EMID1: variants seen among roughly 807,000 people sequenced by gnomAD.
EMID1 encodes the protein EMI domain-containing protein 1.
Under a neutral mutation model 60.6 loss-of-function variants are expected in EMID1, and 40 were observed. That is an observed-to-expected ratio of 0.66 (90% CI 0.51 to 0.86). The LOEUF (loss-of-function observed/expected upper bound fraction) is 0.86, where lower values mean the gene tolerates loss of function less well. Among genes scored for constraint, EMID1 ranks in the 40% least tolerant of loss-of-function variants. The pLI, the probability that EMID1 is intolerant of heterozygous loss-of-function variation, is 0.00. For synonymous variants in EMID1, 242 were observed against 231.0 expected (o/e 1.05, Z -0.43); for missense variants, 585 against 597.1 (o/e 0.98, Z 0.21).
At chr22:29,225,968 G>A (rs2040492996) in intron 4 of EMID1, among the ~76,000 whole-genome samples, 1 of 152,156 alleles carries the variant, frequency 6.6e-6, no homozygotes, top group South Asian at 2.1e-4. Context: ...GGCCAGCCCA[G>A]TCCAGACTGC....
At chr22:29,240,458 C>T (rs935147938) in intron 12 of EMID1, among the ~76,000 whole-genome samples, 1 of 151,768 alleles carries the variant, frequency 6.6e-6, no homozygotes, top group South Asian at 2.1e-4. Flanking sequence ...GAACACCAAA[C>T]TCTGTGCTAA....
chr22:29,245,065 C>G (rs1602029807), intron 13 of EMID1, among the ~76,000 whole-genome samples: 1 of 147,700 alleles, frequency 6.8e-6, no homozygotes, highest in Non-Finnish European at 1.5e-5. Flanking sequence ...GCCGTGGGAG[C>G]CCCCTACCCT....
intron 13 of EMID1, among the ~76,000 whole-genome samples, chr22:29,244,463 T>G (rs1170927395): frequency 6.6e-6 from 1 of 151,710 alleles, no homozygotes; most frequent in Non-Finnish European, 1.5e-5. Context: ...AAATTAGCCT[T>G]AAAGGTTTGG....
At position 29,231,129 on chromosome 22, in the gene EMID1, G is replaced by C. The variant is rs1395071660; in HGVS notation, c.575G>C (p.Gly192Ala). The C allele has an allele frequency of 1.2e-5, 19 of 1,605,612 alleles. No individual in the cohort carries two copies. The highest frequency in any genetic ancestry group is 1.6e-5 in the Non-Finnish European group (19 of 1,176,440). ...CCTGCCCAGGGCAGCCCCGGAGATG[G>C]AGGCCTCCAGGGTGAGTGTCAGACT... The part of the protein sequence containing the change: ...PPPAQGSPGD[G>A]GLQDQVGAWG... Residue 192 changes from glycine to alanine, a missense_variant, in exon 6 of 15, where the codon GGA becomes GCA. Gly to Ala is a moderately conservative substitution (Grantham distance 60). Transcript: ENST00000334018.
intron 4 of EMID1, among the ~76,000 whole-genome samples, chr22:29,225,547 C>T (rs1435565297): frequency 7.9e-5 from 12 of 152,228 alleles, no homozygotes; most frequent in South Asian, 4.1e-4. Context: ...CTGTGCCAGG[C>T]GCTTCCCATC....
chr22:29,242,728 G>A lies in EMID1; in HGVS notation c.1075-717G>A, dbSNP rs1568998688. Reference sequence around the variant, plus strand: ...AGACTTAGTTGTAGGTTTTATCAGAGAGAATCTCTGGTTTTGCTCTTAGTC... The same window carrying A: ...AGACTTAGTTGTAGGTTTTATCAGAAAGAATCTCTGGTTTTGCTCTTAGTC... On this transcript the variant is annotated intron_variant, in intron 12 of 14. Transcript: ENST00000334018. 2.6e-5 allele frequency among the ~76,000 whole-genome samples: 4 copies of A among 152,310 alleles called. No homozygotes were observed. In the South Asian group the frequency reaches 8.3e-4, roughly 32 times the overall value.
intron 1 of EMID1, among the ~76,000 whole-genome samples, chr22:29,210,768 C>G (rs1180924169): frequency 1.3e-5 from 2 of 152,208 alleles, no homozygotes; most frequent in Non-Finnish European, 2.9e-5. Flanking sequence ...AAGGACAGCT[C>G]TGGCCATTGT....
intron 13 of EMID1, among the ~76,000 whole-genome samples, chr22:29,248,823 A>G (rs1307884352): frequency 6.6e-6 from 1 of 151,986 alleles, no homozygotes; most frequent in African/African-American, 2.4e-5. Context: ...CCTGGGCGAC[A>G]GAGCAAGACT....
chr22:29,238,204 G>A (rs2041024522), intron 12 of EMID1, among the ~76,000 whole-genome samples: 1 of 138,826 alleles, frequency 7.2e-6, no homozygotes, highest in Non-Finnish European at 1.5e-5. Flanking sequence ...TTTTCCCTCT[G>A]TTTTCTTTTC....
chr22:29,235,371 G>A (rs2040908969), intron 12 of EMID1, among the ~76,000 whole-genome samples: 1 of 146,968 alleles, frequency 6.8e-6, no homozygotes, highest in African/African-American at 2.5e-5. Context: ...AAAAAAAAGT[G>A]CATCATATGA....
At chr22:29,206,796 AG>A (rs538194312) in intron 1 of EMID1, among the ~76,000 whole-genome samples, 243 of 152,334 alleles carry the variant, frequency 1.6e-3, no homozygotes, top group Non-Finnish European at 5.1e-4. Flanking sequence ...CAATCCTTGA[AG>A]GACCGAATGA....
chr22:29,207,046 C>T (rs566980386), intron 1 of EMID1, among the ~76,000 whole-genome samples: 1 of 152,362 alleles, frequency 6.6e-6, no homozygotes, highest in African/African-American at 2.4e-5. Context: ...AGCCAGGCCT[C>T]TCCAGGCCTT....
chr22:29,226,249 C>T (rs1475952685), intron 4 of EMID1, among the ~76,000 whole-genome samples: 2 of 152,202 alleles, frequency 1.3e-5, no homozygotes, highest in African/African-American at 2.4e-5. Flanking sequence ...GGGTCAGGTC[C>T]CTGGTCCTGC....
chr22:29,243,568 C>T (rs1319581972), intron 13 of EMID1, 79 bp downstream of exon 13: 1 of 1,544,870 alleles, frequency 6.5e-7, no homozygotes, highest in Non-Finnish European at 8.9e-7. Context: ...CCCCAGGAGG[C>T]CCTGGGAGTG....
intron 14 of EMID1, chr22:29,255,218 C>A: frequency 8.2e-7 from 1 of 1,216,292 alleles, no homozygotes; most frequent in Non-Finnish European, 1.1e-6. Context: ...GCTCCCCAGC[C>A]CAGCCCTCGG....
intron 12 of EMID1, among the ~76,000 whole-genome samples, chr22:29,240,701 A>G (rs1012470786): frequency 6.6e-6 from 1 of 152,256 alleles, no homozygotes; most frequent in Admixed American, 6.5e-5. Flanking sequence ...CGCTTGACGC[A>G]TCGCATTCTC....
intron 12 of EMID1, 150 bp from the exon 13 acceptor site, chr22:29,243,295 A>G (rs2146374950): frequency 1.4e-6 from 1 of 700,520 alleles, no homozygotes; most frequent in South Asian, 1.9e-5. Context: ...GCCTTCAATC[A>G]GTTGGTTTTT....
chr22:29,211,549 A>G (rs568439225), intron 1 of EMID1, among the ~76,000 whole-genome samples: 3 of 148,966 alleles, frequency 2.0e-5, no homozygotes, highest in Admixed American at 2.0e-4. Context: ...ATGCATGAAC[A>G]TGTGTGTCCA....
At chr22:29,231,165 T>C (rs375394087) in intron 6 of EMID1, 25 bp downstream of exon 6, 2 of 1,573,578 alleles carry the variant, frequency 1.3e-6, no homozygotes, top group African/African-American at 1.4e-5. Flanking sequence ...CAGACTCCCC[T>C]GTGGGAATGA....
Sources: allele counts gnomAD v4.1 joint callset (sites outside exome capture counted in the v4.1 genomes callset), GRCh38; gene constraint gnomAD v4.1.1; transcripts MANE v1.5; gene names NCBI Gene and HGNC (gene_info 2026-07-23, HGNC 2026-07-21).